Variants in NT5DC1 observed in about 807,000 individuals in gnomAD.
NT5DC1 encodes the protein 5'-nucleotidase domain containing 1, also known as 5'-nucleotidase domain-containing protein 1.
Under a neutral mutation model 59.4 loss-of-function variants are expected in NT5DC1, and 42 were observed. The observed-to-expected ratio is 0.71, with a 90% CI of 0.55 to 0.92. The LOEUF (loss-of-function observed/expected upper bound fraction) is 0.92. Among genes scored for constraint, NT5DC1 ranks in the 40% least tolerant of loss-of-function variants. The pLI, the probability that NT5DC1 is intolerant of heterozygous loss-of-function variation, is 0.00. For synonymous variants in NT5DC1, 172 were observed against 188.1 expected, an observed-to-expected ratio of 0.91 and a Z score of 0.70; for missense variants, 501 against 537.1, an observed-to-expected ratio of 0.93 and a Z score of 0.66.
intron 8 of NT5DC1, among the ~76,000 whole-genome samples, chr6:116,228,673 C>CA (rs1481117165): frequency 6.6e-6 from 1 of 151,936 alleles, no homozygotes; most frequent in Admixed American, 6.6e-5. Flanking sequence ...ATTTAGAATG[C>CA]AAAAAAGATT....
At chr6:116,169,920 A>G (rs2114448672) in intron 6 of NT5DC1, among the ~76,000 whole-genome samples, 1 of 152,336 alleles carries the variant, frequency 6.6e-6, no homozygotes, top group East Asian at 1.9e-4. Flanking sequence ...AAAGGTAGAT[A>G]AGGAAGAAAG....
intron 1 of NT5DC1, among the ~76,000 whole-genome samples, chr6:116,102,205 C>A (rs550436155): frequency 7.7e-4 from 117 of 152,298 alleles, no homozygotes; most frequent in African/African-American, 2.6e-3. Flanking sequence ...AGGGTTGTGC[C>A]CCATTATGGG....
At chr6:116,109,518 A>G (rs931225221) in intron 3 of NT5DC1, among the ~76,000 whole-genome samples, 3 of 152,150 alleles carry the variant, frequency 2.0e-5, no homozygotes, top group African/African-American at 4.8e-5. Context: ...TCTTTGTTCT[A>G]TCTGTCTGTC....
intron 6 of NT5DC1, chr6:116,137,582 A>G (rs1331528894): frequency 4.7e-6 from 1 of 214,382 alleles, no homozygotes; most frequent in Non-Finnish European, 9.9e-6. Context: ...GCGTTTTCCC[A>G]CTGGGTTGGA....
At chr6:116,109,108 G>GT (rs1477564719) in intron 3 of NT5DC1, among the ~76,000 whole-genome samples, 1 of 152,256 alleles carries the variant, frequency 6.6e-6, no homozygotes, top group Non-Finnish European at 1.5e-5. Context: ...GGGAGCATCT[G>GT]TTTTTTCTCC....
rs139846596 is a variant in NT5DC1 at position 116,120,766 on chromosome 6, A to G, written c.529+2821A>G. The G allele has an allele frequency of 2.6e-4, 425 of 1,612,662 alleles. 1 individual carries two copies. The East Asian group carries it at 9.2e-3, about 35-fold the overall frequency. ...TGCCTGGTGGCCCAATAGGGCCTCTAGTACCTGGTATTCCAGGGGCACCTC... is the reference window on the plus strand; with the variant it reads ...TGCCTGGTGGCCCAATAGGGCCTCTGGTACCTGGTATTCCAGGGGCACCTC... On this transcript the variant is annotated intron_variant, in intron 6 of 11. Transcript: ENST00000319550.
chr6:116,220,503 G>A (rs896721045), intron 6 of NT5DC1, among the ~76,000 whole-genome samples: 7 of 152,272 alleles, frequency 4.6e-5, no homozygotes, highest in South Asian at 2.1e-4. Flanking sequence ...ATTTTGCACC[G>A]ATTTTTCCAT....
intron 6 of NT5DC1, among the ~76,000 whole-genome samples, chr6:116,186,370 G>A (rs569528044): frequency 5.3e-5 from 8 of 150,714 alleles, no homozygotes; most frequent in Non-Finnish European, 1.0e-4. Flanking sequence ...ATCTTTTTGC[G>A]ATGAATTTCC....
At chr6:116,198,972 A>G (rs930750107) in intron 6 of NT5DC1, among the ~76,000 whole-genome samples, 2 of 152,000 alleles carry the variant, frequency 1.3e-5, no homozygotes, top group African/African-American at 2.4e-5. Context: ...CCTTAGCACT[A>G]TTGTCATCTT....
chr6:116,136,455 T>A (rs1446909797), intron 6 of NT5DC1, among the ~76,000 whole-genome samples: 2 of 147,894 alleles, frequency 1.4e-5, no homozygotes, highest in African/African-American at 5.0e-5. Flanking sequence ...CTATTTTTTT[T>A]AAGTTTTGTG....
At chr6:116,219,044 C>T (rs1195414020) in intron 6 of NT5DC1, among the ~76,000 whole-genome samples, 5 of 152,088 alleles carry the variant, frequency 3.3e-5, no homozygotes, top group Non-Finnish European at 7.4e-5. Context: ...AATCACAGCA[C>T]TTTCAGAGGC....
At chr6:116,206,890 ATAAT>A (rs1398125274) in intron 6 of NT5DC1, among the ~76,000 whole-genome samples, 4 of 152,134 alleles carry the variant, frequency 2.6e-5, no homozygotes, top group Non-Finnish European at 5.9e-5. Flanking sequence ...CATTTGCCAA[ATAAT>A]TGTGTGCAAA....
rs555751619 is a variant in NT5DC1 at position 116,182,730 on chromosome 6, ATTGT to A, written c.530-38317_530-38314del. Among the ~76,000 whole-genome samples, 1,249 of 150,952 alleles carry A rather than the reference ATTGT, an allele frequency of 8.3e-3. 18 individuals carry two copies. Among genetic ancestry groups the A allele is most frequent in the African/African-American group, 0.029 (1,179 of 41,086 alleles). Reference sequence around the variant, plus strand: ...TGTCCTTAGCCCACTTTTTGATGTGATTGTTTGTTTTTTTCTTGCTGATATGTTT... The same window carrying A: ...TGTCCTTAGCCCACTTTTTGATGTGATTGTTTTTTTCTTGCTGATATGTTT... On this transcript the variant is annotated intron_variant, in intron 6 of 11. Transcript: ENST00000319550.
At chr6:116,144,890 A>C (rs1387354218) in intron 6 of NT5DC1, among the ~76,000 whole-genome samples, 2 of 152,188 alleles carry the variant, frequency 1.3e-5, no homozygotes, top group African/African-American at 2.4e-5. Context: ...GACGTTTTCA[A>C]ACAGGGGATC....
chr6:116,203,824 G>C, intron 6 of NT5DC1, among the ~76,000 whole-genome samples: 1 of 151,926 alleles, frequency 6.6e-6, no homozygotes, highest in East Asian at 1.9e-4. Context: ...CTTGCACAGT[G>C]TGAGTTCCAG....
At chr6:116,215,816 G>A (rs1005194745) in intron 6 of NT5DC1, among the ~76,000 whole-genome samples, 1 of 152,116 alleles carries the variant, frequency 6.6e-6, no homozygotes, top group Non-Finnish European at 1.5e-5. Context: ...CAATACATAT[G>A]TAATACTGTC....
At position 116,115,717 on chromosome 6, in the gene NT5DC1, T is replaced by A; in HGVS notation, c.391T>A (p.Phe131Ile). ...SGKYYFYDNYFDLPGALLCAR... is the reference protein window; with the variant it reads ...SGKYYFYDNYIDLPGALLCAR... ...AAAGTATTACTTTTACGACAACTAC[T>A]TTGACCTGCCAGGAGCTCTTCTGTG... Residue 131 changes from phenylalanine (F) to isoleucine (I), a missense_variant, in exon 5 of 12, where the codon TTT (phenylalanine) becomes ATT (isoleucine). Coordinates refer to ENST00000319550, the MANE Select transcript of NT5DC1 (RefSeq NM_152729.3). The A allele has an allele frequency of 6.2e-7, 1 of 1,603,558 alleles. No homozygotes were observed. Among genetic ancestry groups the A allele is most frequent in the Non-Finnish European group, 8.5e-7 (1 of 1,170,500 alleles).
At chr6:116,195,923 G>A (rs1353085567) in intron 6 of NT5DC1, among the ~76,000 whole-genome samples, 4 of 152,026 alleles carry the variant, frequency 2.6e-5, no homozygotes, top group Non-Finnish European at 4.4e-5. Context: ...TGGAGATGGA[G>A]AGAGATTCCT....
chr6:116,206,469 T>C (rs1010190994), intron 6 of NT5DC1, among the ~76,000 whole-genome samples: 1 of 151,992 alleles, frequency 6.6e-6, no homozygotes, highest in Non-Finnish European at 1.5e-5. Context: ...ACTGTCTGAT[T>C]TGGGTCCATA....
Sources: allele counts gnomAD v4.1 joint callset (sites outside exome capture counted in the v4.1 genomes callset), GRCh38; gene constraint gnomAD v4.1.1; transcripts MANE v1.5; gene names NCBI Gene and HGNC (gene_info 2026-07-23, HGNC 2026-07-21).